The following BAZ2B variants were observed in gnomAD, a reference collection of about 807,000 sequenced individuals.
BAZ2B encodes bromodomain adjacent to zinc finger domain 2B.
A neutral mutation model predicts 246.0 loss-of-function variants in BAZ2B; 91 were observed. The ratio of observed to expected loss-of-function variants is 0.37; its 90% confidence interval spans 0.31 to 0.44. The LOEUF (loss-of-function observed/expected upper bound fraction) is 0.44. Ranked by LOEUF, BAZ2B falls within the 20% of genes least tolerant of loss-of-function variation. The probability of loss-of-function intolerance (pLI) is 1.00; values close to 1 mark genes in which losing one functional copy is unlikely to be tolerated. For missense variants in BAZ2B, 2,332 were observed against 2,533.7 expected (o/e 0.92, Z 1.71); for synonymous variants, 855 against 860.0 (o/e 0.99, Z 0.10).
the BAZ2B span, among the ~76,000 whole-genome samples, chr2:159,704,482 C>CTTTTTTTT: frequency 7.7e-5 from 9 of 117,012 alleles, no homozygotes; most frequent in South Asian, 2.9e-4. Flanking sequence ...CTTTCTTTTT[C>CTTTTTTTT]TTTTTTTTTT....
chr2:159,488,096 C>CA (rs1172688838), intron 2 of BAZ2B, among the ~76,000 whole-genome samples: 2 of 152,032 alleles, frequency 1.3e-5, no homozygotes, highest in African/African-American at 4.8e-5. Context: ...ATTTTTTAGA[C>CA]AGAGTCTCAC....
intron 27 of BAZ2B, among the ~76,000 whole-genome samples, chr2:159,367,514 A>T (rs2060344774): frequency 6.6e-6 from 1 of 152,128 alleles, no homozygotes; most frequent in South Asian, 2.1e-4. Flanking sequence ...AGAATTTTTT[A>T]AAAACTTGTA....
chr2:159,616,580 C>A (rs1456226630), upstream of BAZ2B: 3 of 152,110 alleles, frequency 2.0e-5, no homozygotes, highest in Non-Finnish European at 4.4e-5. Flanking sequence ...TCTCTCTCTC[C>A]TCTCTCTAAC....
At chr2:159,529,847 T>TA (rs2085188018) in intron 2 of BAZ2B, among the ~76,000 whole-genome samples, 1 of 152,190 alleles carries the variant, frequency 6.6e-6, no homozygotes, top group East Asian at 1.9e-4. Flanking sequence ...TATTTTATAT[T>TA]AAAGTAGATA....
chr2:159,375,915 T>C (rs1016778119), intron 25 of BAZ2B, among the ~76,000 whole-genome samples: 1 of 152,234 alleles, frequency 6.6e-6, no homozygotes, highest in Admixed American at 6.5e-5. Flanking sequence ...ATATACTTGA[T>C]ATACTTGAAC....
chr2:159,571,881 A>C (rs896459340), intron 1 of BAZ2B, among the ~76,000 whole-genome samples: 6 of 152,318 alleles, frequency 3.9e-5, no homozygotes, highest in Non-Finnish European at 5.9e-5. Context: ...CCCACTTCCC[A>C]GGTAAGTGCA....
chr2:159,595,156 G>T (rs1204105253), intron 1 of BAZ2B, among the ~76,000 whole-genome samples: 1 of 151,424 alleles, frequency 6.6e-6, no homozygotes, highest in Non-Finnish European at 1.5e-5. Flanking sequence ...AGGCTGGAGT[G>T]CAATGGCATG....
chr2:159,388,742 A>C (rs558120558), intron 21 of BAZ2B, among the ~76,000 whole-genome samples: 5 of 152,106 alleles, frequency 3.3e-5, no homozygotes, highest in Non-Finnish European at 5.9e-5. Context: ...GAGGTCACAG[A>C]TTATAAATCC....
intron 6 of BAZ2B, among the ~76,000 whole-genome samples, chr2:159,442,903 C>T (rs2073686538): frequency 6.6e-6 from 1 of 152,160 alleles, no homozygotes; most frequent in Admixed American, 6.5e-5. Flanking sequence ...ACATGTGCCT[C>T]CCCATGTATT....
chr2:159,543,587 G>A (rs2086919417), intron 2 of BAZ2B, among the ~76,000 whole-genome samples: 1 of 147,642 alleles, frequency 6.8e-6, no homozygotes, highest in Non-Finnish European at 1.5e-5. Flanking sequence ...CCAGGCTGGA[G>A]TGCAGTGGTG....
intron 34 of BAZ2B, among the ~76,000 whole-genome samples, chr2:159,332,076 ACT>A (rs1334119065): frequency 3.3e-5 from 5 of 152,234 alleles, no homozygotes; most frequent in Admixed American, 2.6e-4. Context: ...CAATTAGCTT[ACT>A]GTTAATAATT....
At chr2:159,703,493 G>A in the BAZ2B span, among the ~76,000 whole-genome samples, 1 of 18,882 alleles carries the variant, frequency 5.3e-5, no homozygotes, top group Non-Finnish European at 1.0e-4. Context: ...TCTACCCCCC[G>A]CAAAAAAAAA....
intron 34 of BAZ2B, among the ~76,000 whole-genome samples, chr2:159,329,548 C>G (rs910139026): frequency 1.3e-5 from 2 of 152,120 alleles, no homozygotes; most frequent in South Asian, 2.1e-4. Flanking sequence ...CACACACATA[C>G]ACGCAGAGTA....
chr2:159,454,483 T>C (rs1053613436), intron 3 of BAZ2B, among the ~76,000 whole-genome samples: 1 of 152,224 alleles, frequency 6.6e-6, no homozygotes, highest in African/African-American at 2.4e-5. Flanking sequence ...TTCAGGATGT[T>C]ACTGAACTGA....
intron 31 of BAZ2B, among the ~76,000 whole-genome samples, chr2:159,346,344 T>C (rs2067790395): frequency 6.6e-6 from 1 of 152,228 alleles, no homozygotes; most frequent in Admixed American, 6.5e-5. Context: ...AAATTTCTCA[T>C]TCTGAATAAA....
intron 2 of BAZ2B, among the ~76,000 whole-genome samples, chr2:159,553,717 T>C (rs1010911700): frequency 1.3e-5 from 2 of 152,016 alleles, no homozygotes; most frequent in African/African-American, 4.8e-5. Flanking sequence ...AAATTTTGAT[T>C]AAAACATATA....
chr2:159,555,746 A>T (rs779730711), intron 2 of BAZ2B, 77 bp downstream of exon 2: 4 of 152,242 alleles, frequency 2.6e-5, no homozygotes, highest in Non-Finnish European at 5.9e-5. Context: ...TTCAAATTAT[A>T]TATGTTTTCT....
intron 14 of BAZ2B, among the ~76,000 whole-genome samples, chr2:159,410,633 T>A (rs923915409): frequency 5.9e-5 from 9 of 152,174 alleles, no homozygotes; most frequent in Non-Finnish European, 2.9e-5. Flanking sequence ...CAGTCTCGGG[T>A]CATAACTTTA....
chr2:159,359,056 C>T (rs1301166150), intron 27 of BAZ2B, among the ~76,000 whole-genome samples: 1 of 152,052 alleles, frequency 6.6e-6, no homozygotes, highest in African/African-American at 2.4e-5. Flanking sequence ...AACTGAGAGG[C>T]AAGAGCAAAC....
Sources: gnomAD v4.1 joint callset for allele counts (sites outside exome capture counted in the v4.1 genomes callset) on GRCh38, gnomAD v4.1.1 for gene constraint, MANE v1.5 for transcripts, NCBI Gene and HGNC (gene_info 2026-07-23, HGNC 2026-07-21) for gene names.